HIF3A: variants seen among roughly 807,000 people sequenced by gnomAD.
The protein encoded by HIF3A is hypoxia-inducible factor 3-alpha.
Under a neutral mutation model 67.2 loss-of-function variants are expected in HIF3A, and 41 were observed. The observed-to-expected ratio is 0.61, with a 90% CI of 0.48 to 0.79. The LOEUF is 0.79. HIF3A is among the 30% of genes least tolerant of loss of function. The pLI is 0.00. For synonymous variants in HIF3A, 356 were observed against 374.8 expected (o/e 0.95, Z 0.58); for missense variants, 855 against 898.0 (o/e 0.95, Z 0.61).
intron 1 of HIF3A, among the ~76,000 whole-genome samples, chr19:46,301,934 G>C (rs910621243): frequency 3.3e-5 from 5 of 151,870 alleles, no homozygotes; most frequent in African/African-American, 1.2e-4. Flanking sequence ...ATATAGTACA[G>C]TGGCAAGCAC....
chr19:46,298,666 A>T (rs1254671688), intron 1 of HIF3A, among the ~76,000 whole-genome samples: 1 of 152,114 alleles, frequency 6.6e-6, no homozygotes, highest in African/African-American at 2.4e-5. Flanking sequence ...CCCGGAGAAG[A>T]TAGGATTTTG....
intron 8 of HIF3A, among the ~76,000 whole-genome samples, chr19:46,319,350 C>G (rs543930384): frequency 6.6e-6 from 1 of 152,138 alleles, no homozygotes; most frequent in African/African-American, 2.4e-5. Context: ...GTGGGAAGAC[C>G]AGGCCCACCT....
At chr19:46,302,190 C>T (rs1427914448) in intron 1 of HIF3A, among the ~76,000 whole-genome samples, 2 of 151,948 alleles carry the variant, frequency 1.3e-5, no homozygotes, top group Non-Finnish European at 2.9e-5. Flanking sequence ...AGTATAGTGG[C>T]GCGATCTTGG....
At chr19:46,334,554 A>G (rs890135462) in intron 13 of HIF3A, among the ~76,000 whole-genome samples, 12 of 151,826 alleles carry the variant, frequency 7.9e-5, no homozygotes, top group African/African-American at 2.9e-4. Context: ...TTTTACTTTT[A>G]TTTTTATTTT....
chr19:46,317,997 G>A (rs1970052775), intron 8 of HIF3A, among the ~76,000 whole-genome samples: 1 of 151,840 alleles, frequency 6.6e-6, no homozygotes, highest in African/African-American at 2.4e-5. Context: ...CACCACACCT[G>A]GCTAATTTTT....
At chr19:46,325,239 C>A (rs1009737824) in intron 10 of HIF3A, among the ~76,000 whole-genome samples, 1 of 151,930 alleles carries the variant, frequency 6.6e-6, no homozygotes, top group African/African-American at 2.4e-5. Flanking sequence ...TCAAGTGATC[C>A]ACCCACCTTG....
Position 46,312,141 on chromosome 19 carries a change from C to G in HIF3A, c.771-20C>G, listed in dbSNP as rs748320920. 1 of 1,601,314 alleles carries G rather than the reference C, an allele frequency of 6.2e-7. No homozygotes were observed. Among genetic ancestry groups the G allele is most frequent in the Non-Finnish European group, 8.6e-7 (1 of 1,168,400 alleles). On this transcript the variant is annotated intron_variant, in intron 6 of 14. Transcript: ENST00000377670. Reference sequence around the variant, plus strand: ...CACCCAGTAGCATCCTGACCAGACCCCACTCCGCCCCACCCCCAGGATTGC... The same window carrying G: ...CACCCAGTAGCATCCTGACCAGACCGCACTCCGCCCCACCCCCAGGATTGC...
chr19:46,308,805 G>A, intron 5 of HIF3A, 30 bp downstream of exon 5: 3 of 1,415,424 alleles, frequency 2.1e-6, no homozygotes, highest in Non-Finnish European at 2.9e-6. Context: ...AGGAGGGCGG[G>A]GACGCTGGGG....
intron 8 of HIF3A, among the ~76,000 whole-genome samples, chr19:46,319,004 T>C (rs1337889537): frequency 6.6e-6 from 1 of 152,194 alleles, no homozygotes; most frequent in Non-Finnish European, 1.5e-5. Context: ...CCCAGGCCAC[T>C]GACTACAGAG....
rs1971962915 is a variant in HIF3A at position 46,342,397 on chromosome 19, T to C, written c.*2775T>C. ...ATTTTAGGCTTTTGTTTTTCCTTTT[T>C]TTTGTTAAAAAAAAAAAAATAGAGA... On this transcript the variant is annotated 3_prime_UTR_variant, in exon 15 of 15. Transcript: ENST00000377670. 7.0e-6 allele frequency: 1 copy of C among 142,806 alleles called. No individual in the cohort carries two copies. Among genetic ancestry groups the C allele is most frequent in the Non-Finnish European group, 1.5e-5 (1 of 66,772 alleles). The allele number at this position is 142,806 out of a possible 1,614,324, so 8.8% of individuals were successfully genotyped here. A position where few individuals can be genotyped will look rare whatever the true frequency, so the allele number is the denominator to read the frequency against.
chr19:46,342,584 A>T lies in HIF3A; in HGVS notation c.*2962A>T, dbSNP rs1405766142. The T allele has an allele frequency of 6.6e-6, 1 of 152,164 alleles. No individual in the cohort carries two copies. The highest frequency in any genetic ancestry group is 2.4e-5 in the African/African-American group (1 of 41,424). 9.4% of individuals were successfully genotyped at this position (152,164 alleles called of 1,614,324 possible). On this transcript the variant is annotated 3_prime_UTR_variant, in exon 15 of 15. Transcript: ENST00000377670. ...TATTCTATAAATTCCTCTGCTTCTAAGCCTCACAGCTTCCAACTGCCTTTG... is the reference window on the plus strand; with the variant it reads ...TATTCTATAAATTCCTCTGCTTCTATGCCTCACAGCTTCCAACTGCCTTTG...
intron 9 of HIF3A, 33 bp from the exon 10 acceptor site, chr19:46,321,743 C>A (rs763578536): frequency 6.3e-7 from 1 of 1,595,532 alleles, no homozygotes; most frequent in Non-Finnish European, 8.6e-7. Context: ...CAGTCACCAG[C>A]CCGTGTCCTC....
rs766318551 is a variant in HIF3A at position 46,339,566 on chromosome 19, A to T, written c.1954A>T (p.Thr652Ser). ...SLLSPYSDED[T>S]TQPGGPFQPR... is the part of the protein sequence containing the mutation. ...GCTCTCTCCGTACTCAGACGAGGAC[A>T]CTACCCAGCCCGGGGGCCCCTTCCA... is the stretch of plus-strand genomic sequence containing the variant. The change falls in exon 15 of 15, where the codon ACT (threonine) becomes TCT (serine). Residue 652 changes from threonine (T) to serine (S), a missense_variant. Thr to Ser is a moderately conservative substitution (Grantham distance 58). Coordinates refer to ENST00000377670, the MANE Select transcript of HIF3A (RefSeq NM_152795.4). The T allele has an allele frequency of 6.2e-7, 1 of 1,609,928 alleles. No homozygotes were observed. Among genetic ancestry groups the T allele is most frequent in the Non-Finnish European group, 8.5e-7 (1 of 1,177,532 alleles).
rs377033451 is a variant in HIF3A, at chr19:46,313,791, G to A, written c.1025+1138G>A. Among the ~76,000 whole-genome samples the A allele has an allele frequency of 4.6e-4, 70 of 150,828 alleles. 1 individual carries two copies. The highest frequency in any genetic ancestry group is 1.5e-3 in the African/African-American group (63 of 41,118). ...AGCGATTCTCCTGCTTCAGCCTCCC[G>A]ACTAGCTGGGATTACACGCAACAAC... On this transcript the variant is annotated intron_variant, in intron 8 of 14. Transcript: ENST00000377670.
intron 1 of HIF3A, among the ~76,000 whole-genome samples, chr19:46,300,674 C>T (rs1481859009): frequency 1.3e-5 from 2 of 152,132 alleles, no homozygotes; most frequent in African/African-American, 4.8e-5. Context: ...AGCTTATAAG[C>T]AGTCACACAG....
In HIF3A at chr19:46,334,998, C is replaced by A; in HGVS notation, c.1912+12C>A. On this transcript the variant is annotated intron_variant, in intron 14 of 14. Transcript: ENST00000377670. ...GAATGAGCCCCTGGGTGAGTAGCAACCTGGGTATCCAGAGCCCCAGAGCAC... is the reference window on the plus strand; with the variant it reads ...GAATGAGCCCCTGGGTGAGTAGCAAACTGGGTATCCAGAGCCCCAGAGCAC... 6.3e-7 allele frequency: 1 copy of A among 1,598,756 alleles called. No homozygotes were observed. Among genetic ancestry groups the A allele is most frequent in the South Asian group, 1.1e-5 (1 of 87,736 alleles).
Position 46,314,251 on chromosome 19 carries a change from G to A in HIF3A, c.1025+1598G>A, listed in dbSNP as rs113259718. ...GCCATGGCTGGGCACAGTGGCTCAC[G>A]CCTGTAATCCCAGCACTTTGGGAAG... On this transcript the variant is annotated intron_variant, in intron 8 of 14. Transcript: ENST00000377670. Among the ~76,000 whole-genome samples, 6 of 146,978 alleles carry A rather than the reference G, an allele frequency of 4.1e-5. 1 individual carries two copies. The highest frequency in any genetic ancestry group is 7.2e-5 in the Admixed American group (1 of 13,802).
chr19:46,319,385 G>A (rs541081285), intron 8 of HIF3A, among the ~76,000 whole-genome samples: 99 of 152,226 alleles, frequency 6.5e-4, no homozygotes, highest in South Asian at 1.5e-3. Context: ...AGGGGGTTAT[G>A]CAGATGAGAT....
intron 14 of HIF3A, 108 bp from the exon 15 acceptor site, chr19:46,339,417 A>G (rs1971848251): frequency 7.8e-6 from 6 of 765,402 alleles, no homozygotes; most frequent in Non-Finnish European, 1.2e-5. Context: ...CGAGTGTTCA[A>G]TTTCCTTAAG....
Sources: allele counts gnomAD v4.1 joint callset (sites outside exome capture counted in the v4.1 genomes callset), GRCh38; gene constraint gnomAD v4.1.1; transcripts MANE v1.5; gene names NCBI Gene and HGNC (gene_info 2026-07-23, HGNC 2026-07-21).